ATP8A1: variants seen among roughly 807,000 people sequenced by gnomAD.
The protein encoded by ATP8A1 is phospholipid-transporting ATPase IA.
Under a neutral mutation model 177.7 loss-of-function variants are expected in ATP8A1, and 90 were observed. That is an observed-to-expected ratio of 0.51 (90% CI 0.43 to 0.60). The LOEUF is 0.60. Ranked by LOEUF, ATP8A1 falls within the 20% of genes least tolerant of loss-of-function variation. ATP8A1 has a pLI of 0.00. For synonymous variants in ATP8A1, 493 were observed against 485.9 expected, an observed-to-expected ratio of 1.01 and a Z score of -0.19; for missense variants, 1,072 against 1,392.8, an observed-to-expected ratio of 0.77 and a Z score of 3.67.
intron 16 of ATP8A1, among the ~76,000 whole-genome samples, chr4:42,555,217 C>T (rs867362422): frequency 8.0e-6 from 1 of 125,466 alleles, no homozygotes; most frequent in African/African-American, 2.8e-5. Flanking sequence ...TCTGCCCCCC[C>T]CTAGAGAACC....
chr4:42,553,446 T>C (rs1729712214), intron 16 of ATP8A1, among the ~76,000 whole-genome samples: 1 of 152,170 alleles, frequency 6.6e-6, no homozygotes, highest in East Asian at 1.9e-4. Flanking sequence ...AACTCCTATG[T>C]CCAGGGGACT....
intron 11 of ATP8A1, 151 bp downstream of exon 11, chr4:42,579,662 G>T: frequency 1.3e-6 from 1 of 754,090 alleles, no homozygotes; most frequent in Non-Finnish European, 2.1e-6. Context: ...ACACTTGCTA[G>T]AAATCTCACT....
intron 1 of ATP8A1, among the ~76,000 whole-genome samples, chr4:42,655,323 G>A (rs1019589337): frequency 6.6e-6 from 1 of 152,202 alleles, no homozygotes; most frequent in Admixed American, 6.5e-5. Context: ...AAATACACAA[G>A]CCAATCAAGA....
intron 24 of ATP8A1, among the ~76,000 whole-genome samples, chr4:42,496,617 G>A (rs899761677): frequency 6.6e-6 from 1 of 152,230 alleles, no homozygotes; most frequent in East Asian, 1.9e-4. Context: ...GAAAGCTAAT[G>A]TTGGGCCCAT....
chr4:42,579,853 A>T lies in ATP8A1; in HGVS notation c.960T>A (p.Asn320Lys). The T allele has an allele frequency of 6.2e-7, 1 of 1,613,838 alleles. No individual in the cohort carries two copies. The highest frequency in any genetic ancestry group is 8.5e-7 in the Non-Finnish European group (1 of 1,179,866). Residue 320 changes from asparagine to lysine, a missense_variant, in exon 11 of 37, where the codon AAT becomes AAA. Asn to Lys is a moderately conservative substitution (Grantham distance 94). Around this residue, in one of 5 missense-constraint regions of ATP8A1, gnomAD observed 344 missense variants for 393.5 expected, o/e 0.87. Transcript: ENST00000381668. ...LVCSVGSAIW[N>K]RRHSGKDWYL... ...ACCAGTCTTTTCCAGAATGCCTTCG[A>T]TTCCAAATGGCTGAGCCCACAGAAC... is the stretch of plus-strand genomic sequence containing the variant.
intron 6 of ATP8A1, among the ~76,000 whole-genome samples, chr4:42,593,328 G>A (rs1577664248): frequency 6.6e-6 from 1 of 152,066 alleles, no homozygotes; most frequent in Non-Finnish European, 1.5e-5. Context: ...TAAGAACAGA[G>A]GGGGTGATTT....
chr4:42,645,325 A>G (rs897742611), intron 1 of ATP8A1, among the ~76,000 whole-genome samples: 1 of 152,182 alleles, frequency 6.6e-6, no homozygotes, highest in Admixed American at 6.5e-5. Context: ...TTTGGTAAAT[A>G]TTTTGGGTAA....
chr4:42,598,306 C>T (rs1322863817), intron 6 of ATP8A1, among the ~76,000 whole-genome samples: 2 of 151,992 alleles, frequency 1.3e-5, no homozygotes, highest in African/African-American at 2.4e-5. Flanking sequence ...TAATTTTTGC[C>T]TCCTTTTTCA....
At chr4:42,627,720 T>G (rs540805683) in intron 1 of ATP8A1, among the ~76,000 whole-genome samples, 1 of 152,338 alleles carries the variant, frequency 6.6e-6, no homozygotes, top group South Asian at 2.1e-4. Context: ...GGTACTTTGT[T>G]GCAATGTTGA....
intron 25 of ATP8A1, among the ~76,000 whole-genome samples, chr4:42,483,610 G>C (rs1391903515): frequency 6.6e-6 from 1 of 152,122 alleles, no homozygotes; most frequent in Non-Finnish European, 1.5e-5. Context: ...TCCAGAACAA[G>C]GATTTCGGGA....
At chr4:42,646,682 C>A (rs935887737) in intron 1 of ATP8A1, among the ~76,000 whole-genome samples, 4 of 152,212 alleles carry the variant, frequency 2.6e-5, no homozygotes, top group African/African-American at 7.2e-5. Flanking sequence ...AGAACCCAGG[C>A]TGGCTTTGGC....
At chr4:42,541,965 A>G (rs1728433414) in intron 20 of ATP8A1, among the ~76,000 whole-genome samples, 1 of 152,200 alleles carries the variant, frequency 6.6e-6, no homozygotes, top group African/African-American at 2.4e-5. Context: ...GTCACTACAC[A>G]TTTATCCAAA....
At chr4:42,440,212 A>G (rs528825270) in intron 33 of ATP8A1, among the ~76,000 whole-genome samples, 15 of 152,274 alleles carry the variant, frequency 9.9e-5, no homozygotes, top group Middle Eastern at 3.4e-3. Context: ...TCCGGGCCCC[A>G]CACACCATGA....
In ATP8A1 at chr4:42,455,295, A is replaced by AC; in HGVS notation, c.2817+1dup. On this transcript the variant is annotated splice_donor_variant, in intron 29 of 36. Transcript: ENST00000381668. LOFTEE classifies it high-confidence loss of function. ...TGTCCCAGCCAGGGCACTGTGTCCT[A>AC]CCTTGGTGTTGAAGTCCAGGGCATT... 1 of 1,613,592 alleles carries AC rather than the reference A, an allele frequency of 6.2e-7. No homozygotes were observed.
At chr4:42,524,694 C>A (rs73235594) in intron 21 of ATP8A1, 69 bp downstream of exon 21, 160,052 of 968,220 alleles carry the variant, frequency 0.17, 14,193 homozygotes, top group South Asian at 0.25. Flanking sequence ...TAATAAGGAT[C>A]CTGCAAGGTA....
intron 23 of ATP8A1, among the ~76,000 whole-genome samples, chr4:42,503,821 A>G (rs1373772981): frequency 6.6e-6 from 1 of 152,234 alleles, no homozygotes; most frequent in Non-Finnish European, 1.5e-5. Context: ...ACCAACATGA[A>G]GAGCAAAAGA....
intron 33 of ATP8A1, among the ~76,000 whole-genome samples, chr4:42,435,481 T>TGAGCTTTA (rs1715880096): frequency 6.8e-6 from 1 of 147,256 alleles, no homozygotes; most frequent in African/African-American, 2.5e-5. Context: ...TCTCCAGTTA[T>TGAGCTTTA]GAGCTTTATT....
intron 19 of ATP8A1, among the ~76,000 whole-genome samples, chr4:42,546,419 C>T (rs552987565): frequency 4.4e-5 from 5 of 113,500 alleles, no homozygotes; most frequent in African/African-American, 7.1e-5. Flanking sequence ...CATCACACAC[C>T]GGGGACTGTT....
At chr4:42,619,525 T>A (rs1321773052) in intron 4 of ATP8A1, among the ~76,000 whole-genome samples, 1 of 151,948 alleles carries the variant, frequency 6.6e-6, no homozygotes, top group Non-Finnish European at 1.5e-5. Context: ...ATCTAAAGCA[T>A]CAAGAGTTAA....
Sources: allele counts gnomAD v4.1 joint callset (sites outside exome capture counted in the v4.1 genomes callset), GRCh38; gene constraint gnomAD v4.1.1; regional missense constraint gnomAD v4.1.1; transcripts MANE v1.5; gene names NCBI Gene and HGNC (gene_info 2026-07-23, HGNC 2026-07-21).